PPA1: variants seen among roughly 807,000 people sequenced by gnomAD.
PPA1 encodes inorganic pyrophosphatase 1.
A neutral mutation model predicts 41.8 loss-of-function variants in PPA1; 23 were observed. The observed-to-expected ratio is 0.55, with a 90% CI of 0.40 to 0.78. The LOEUF is 0.78. PPA1 is among the 30% of genes least tolerant of loss of function. The pLI, the probability that PPA1 is intolerant of heterozygous loss-of-function variation, is 0.00. For synonymous variants in PPA1, 101 were observed against 116.8 expected (o/e 0.86, Z 0.87); for missense variants, 320 against 361.6 (o/e 0.89, Z 0.93).
intron 5 of PPA1, 53 bp from the exon 6 acceptor site, chr10:70,213,642 G>A: frequency 6.4e-7 from 1 of 1,556,314 alleles, no homozygotes; most frequent in Admixed American, 1.8e-5. Context: ...CACTCTAGAA[G>A]ACAGTTTTAC....
At chr10:70,218,588 G>A (rs1840103341) in intron 3 of PPA1, 176 bp downstream of exon 3, 1 of 580,790 alleles carries the variant, frequency 1.7e-6, no homozygotes. Flanking sequence ...AAACAGTTGA[G>A]TTTAGCTGGA....
chr10:70,205,733 T>C, intron 9 of PPA1: 1 of 152,384 alleles, frequency 6.6e-6, no homozygotes, highest in South Asian at 2.1e-4. Flanking sequence ...ATATTATAAA[T>C]GAAAATAATT....
chr10:70,221,523 G>T (rs1188165191), intron 2 of PPA1, among the ~76,000 whole-genome samples: 1 of 152,156 alleles, frequency 6.6e-6, no homozygotes, highest in East Asian at 1.9e-4. Context: ...TTTAGAAAAT[G>T]TAACACTAAT....
intron 2 of PPA1, 50 bp downstream of exon 2, chr10:70,230,291 A>G: frequency 6.3e-7 from 1 of 1,586,934 alleles, no homozygotes; most frequent in South Asian, 1.1e-5. Flanking sequence ...CATATGTAGA[A>G]CTAGCTGATC....
At chr10:70,213,369 G>T in intron 6 of PPA1, 94 bp downstream of exon 6, 2 of 1,432,358 alleles carry the variant, frequency 1.4e-6, no homozygotes, top group South Asian at 1.3e-5. Context: ...TTAACAGTTT[G>T]AAGGTAAGGG....
At chr10:70,226,730 C>CAA (rs1386945294) in intron 2 of PPA1, among the ~76,000 whole-genome samples, 11 of 152,084 alleles carry the variant, frequency 7.2e-5, no homozygotes, top group African/African-American at 2.7e-4. Context: ...TTCTGTTTTG[C>CAA]AATGACTAAT....
At position 70,217,894 on chromosome 10, in the gene PPA1, T is replaced by C. The variant is rs1840097136; in HGVS notation, c.215A>G (p.Asp72Gly). 6.2e-7 allele frequency: 1 copy of C among 1,604,856 alleles called. No homozygotes were observed. Among genetic ancestry groups the C allele is most frequent in the Non-Finnish European group, 8.5e-7 (1 of 1,173,714 alleles). Residue 72 changes from aspartate to glycine, a missense_variant, in exon 4 of 11, where the codon GAT becomes GGT. By Grantham distance (94) the Asp-to-Gly change is moderately conservative. Transcript: ENST00000373232. ...ATAGCGAAGTTTTCCTTTTTTCACA[T>C]CTTGTTTAATAGGGTTTAAAGGGTC... ...TKDPLNPIKQ[D>G]VKKGKLRYVA...
At chr10:70,225,799 C>G (rs1186841780) in intron 2 of PPA1, among the ~76,000 whole-genome samples, 2 of 152,144 alleles carry the variant, frequency 1.3e-5, no homozygotes, top group African/African-American at 2.4e-5. Context: ...AATACTTTAT[C>G]TTATTCACTG....
intron 8 of PPA1, among the ~76,000 whole-genome samples, chr10:70,207,705 G>C (rs1003633782): frequency 6.6e-6 from 1 of 152,042 alleles, no homozygotes; most frequent in Non-Finnish European, 1.5e-5. Context: ...ATTACATAGT[G>C]TTAAATTTTA....
chr10:70,233,316 G>T lies in PPA1; in HGVS notation c.12C>A (p.Phe4Leu). Residue 4 changes from phenylalanine (F) to leucine (L), a missense_variant, in exon 1 of 11, where the codon TTC becomes TTA. Phe to Leu is a conservative substitution (Grantham distance 22, BLOSUM62 0). Transcript: ENST00000373232. Reference protein sequence around the residue: MSGFSTEERAAPFS... With the variant: MSGLSTEERAAPFS... ...AGGGCGCGGCGCGCTCCTCGGTGCT[G>T]AAGCCGCTCATAGTGCCGGAGTCCT... 1.9e-6 allele frequency: 3 copies of T among 1,540,174 alleles called. No homozygotes were observed. Among genetic ancestry groups the T allele is most frequent in the Non-Finnish European group, 2.6e-6 (3 of 1,143,912 alleles).
intron 2 of PPA1, among the ~76,000 whole-genome samples, chr10:70,228,765 G>C (rs1002175455): frequency 1.3e-5 from 2 of 152,192 alleles, no homozygotes; most frequent in African/African-American, 2.4e-5. Flanking sequence ...ACCCAGGAAG[G>C]CTCCTGGGAA....
rs996024966 is a variant in PPA1, at chr10:70,214,596, T to C, written c.298-10A>G. ...CTGGGTCTTCCCAAGTCTAAAAATATAAGACAGTGTATATCATTCCTATAC... is the reference window on the plus strand; with the variant it reads ...CTGGGTCTTCCCAAGTCTAAAAATACAAGACAGTGTATATCATTCCTATAC... On this transcript the variant is annotated splice_polypyrimidine_tract_variant and intron_variant, in intron 4 of 10. Coordinates refer to ENST00000373232, the MANE Select transcript of PPA1 (RefSeq NM_021129.4). 2 of 1,597,818 alleles carry C rather than the reference T, an allele frequency of 1.3e-6. No homozygotes were observed. Among genetic ancestry groups the C allele is most frequent in the African/African-American group, 1.3e-5 (1 of 74,524 alleles).
chr10:70,233,139 G>C, intron 1 of PPA1, 125 bp downstream of exon 1: 1 of 1,118,392 alleles, frequency 8.9e-7, no homozygotes, highest in East Asian at 3.1e-5. Context: ...CCCACAACGC[G>C]CCCGAGGAGA....
Position 70,233,341 on chromosome 10 carries a change from T to C in PPA1, c.-14A>G, listed in dbSNP as rs1021440152. On this transcript the variant is annotated 5_prime_UTR_variant, in exon 1 of 11. Coordinates refer to ENST00000373232, the MANE Select transcript of PPA1 (RefSeq NM_021129.4). ...GAAGCCGCTCATAGTGCCGGAGTCC[T>C]GCCGCCGCCGCTGCCACAGAGCCAC... is the stretch of plus-strand genomic sequence containing the variant. The C allele has an allele frequency of 4.6e-6, 7 of 1,533,306 alleles. No individual in the cohort carries two copies. The highest frequency in any genetic ancestry group is 6.1e-6 in the Non-Finnish European group (7 of 1,142,086). 95.0% of individuals were successfully genotyped at this position (1,533,306 alleles called of 1,614,324 possible).
At chr10:70,232,192 C>T (rs1040356655) in intron 1 of PPA1, among the ~76,000 whole-genome samples, 3 of 152,148 alleles carry the variant, frequency 2.0e-5, no homozygotes, top group Admixed American at 2.0e-4. Context: ...ACTTTTTGTT[C>T]CTTCAATGCC....
At chr10:70,232,862 CG>C (rs370550194) in intron 1 of PPA1, among the ~76,000 whole-genome samples, 14 of 152,058 alleles carry the variant, frequency 9.2e-5, no homozygotes, top group East Asian at 3.9e-4. Flanking sequence ...CTGCCCCCCC[CG>C]GCCCGGAGTC....
intron 1 of PPA1, among the ~76,000 whole-genome samples, chr10:70,232,509 C>T (rs951695059): frequency 2.0e-5 from 3 of 152,214 alleles, no homozygotes; most frequent in Middle Eastern, 3.2e-3. Flanking sequence ...CCGTGCAGCC[C>T]TAGGTGCAGG....
chr10:70,205,010 A>G, intron 9 of PPA1, 95 bp from the exon 10 acceptor site: 1 of 917,404 alleles, frequency 1.1e-6, no homozygotes. Flanking sequence ...TCTGAAGACT[A>G]TCCCAAATTT....
rs765025926 is a variant in PPA1 at position 70,233,344 on chromosome 10, C to G, written c.-17G>C. On this transcript the variant is annotated 5_prime_UTR_variant, in exon 1 of 11. Transcript: ENST00000373232. ...GCCGCTCATAGTGCCGGAGTCCTGC[C>G]GCCGCCGCTGCCACAGAGCCACCAG... is the stretch of plus-strand genomic sequence containing the variant. 4 of 1,527,790 alleles carry G rather than the reference C, an allele frequency of 2.6e-6. No homozygotes were observed. Among genetic ancestry groups the G allele is most frequent in the Non-Finnish European group, 3.5e-6 (4 of 1,137,874 alleles). The allele number at this position is 1,527,790 out of a possible 1,614,324, so 94.6% of individuals were successfully genotyped here.
Sources: gnomAD v4.1 joint callset for allele counts (sites outside exome capture counted in the v4.1 genomes callset) on GRCh38, gnomAD v4.1.1 for gene constraint, MANE v1.5 for transcripts, NCBI Gene and HGNC (gene_info 2026-07-23, HGNC 2026-07-21) for gene names.